The following PREX2 variants were observed in gnomAD, a reference collection of about 807,000 sequenced individuals.
PREX2 encodes the protein phosphatidylinositol-3,4,5-trisphosphate dependent Rac exchange factor 2.
PREX2 carries 107 observed loss-of-function variants against 203.2 expected under a neutral mutation model. That is an observed-to-expected ratio of 0.53 (90% CI 0.45 to 0.62). The LOEUF (loss-of-function observed/expected upper bound fraction) is 0.62, where lower values mean the gene tolerates loss of function less well. Ranked by LOEUF, PREX2 falls within the 20% of genes least tolerant of loss-of-function variation. The pLI is 0.00. For synonymous variants in PREX2, 672 were observed against 663.6 expected (o/e 1.01, Z -0.19); for missense variants, 1,777 against 1,955.9 (o/e 0.91, Z 1.72).
Position 68,069,817 on chromosome 8 carries a change from T to C in PREX2, c.1444-18T>C, listed in dbSNP as rs201476238. The C allele has an allele frequency of 3.1e-4, 424 of 1,371,490 alleles. 1 individual carries two copies. The African/African-American group carries it at 5.4e-3, about 18-fold the overall frequency. 85.0% of individuals were successfully genotyped at this position (1,371,490 alleles called of 1,614,324 possible). A position where few individuals can be genotyped will look rare whatever the true frequency, so the allele number is the denominator to read the frequency against. ...TGGGTAATCTCACTTGTTTTTGATATATCTCTATTTTACGTAGGGTGTAAG... is the reference window on the plus strand; with the variant it reads ...TGGGTAATCTCACTTGTTTTTGATACATCTCTATTTTACGTAGGGTGTAAG... On this transcript the variant is annotated intron_variant, in intron 12 of 39. Transcript: ENST00000288368.
In PREX2 at chr8:68,231,346, T is replaced by G; in HGVS notation, c.4789T>G (p.Cys1597Gly). 4 of 1,602,274 alleles carry G rather than the reference T, an allele frequency of 2.5e-6. No individual in the cohort carries two copies. The highest frequency in any genetic ancestry group is 3.4e-6 in the Non-Finnish European group (4 of 1,175,288). The part of the protein sequence containing the change: ...PQSAPRLYKL[C>G]EPPPPAGEE ...TGCCTTTTCTAGGCTGTACAAGCTG[T>G]GCGAGCCACCTCCCCCAGCTGGAGA... is the stretch of plus-strand genomic sequence containing the variant. Residue 1597 changes from cysteine (C) to glycine (G), a missense_variant, in exon 40 of 40, where the codon TGC becomes GGC. Coordinates refer to ENST00000288368, the MANE Select transcript of PREX2 (RefSeq NM_024870.4).
At chr8:67,976,565 AGAGACAGAGACAGAGAGAGAGATG>A (rs1806102161) in intron 1 of PREX2, among the ~76,000 whole-genome samples, 1 of 65,056 alleles carries the variant, frequency 1.5e-5, no homozygotes. Context: ...AGAGAGAGAC[AGAGACAGAGACAGAGAGAGAGATG>A]GGAGAGAGAC....
rs1808665733 is a variant in PREX2, at chr8:68,055,938, G to A, written c.1202G>A (p.Arg401Lys). 6.2e-7 allele frequency: 1 copy of A among 1,612,808 alleles called. No homozygotes were observed. The highest frequency in any genetic ancestry group is 1.3e-5 in the African/African-American group (1 of 74,690). The change falls in exon 10 of 40, where the codon AGA (arginine) becomes AAA (lysine). Residue 401 changes from arginine (R) to lysine (K), a missense_variant. Arg to Lys is a conservative substitution (Grantham distance 26). Coordinates refer to ENST00000288368, the MANE Select transcript of PREX2 (RefSeq NM_024870.4). ...RQGNLIKDRK[R>K]KLTTFPKCFL... ...GGAAATCTGATCAAAGACCGAAAGA[G>A]AAAACTGACTACGTTCCCTAAATGC...
At chr8:68,211,710 T>C (rs1465575070) in intron 37 of PREX2, among the ~76,000 whole-genome samples, 1 of 152,126 alleles carries the variant, frequency 6.6e-6, no homozygotes, top group African/African-American at 2.4e-5. Context: ...AGTTTGAAAG[T>C]AGTGAAAGAC....
intron 31 of PREX2, among the ~76,000 whole-genome samples, chr8:68,130,991 A>G (rs1025114847): frequency 1.3e-5 from 2 of 152,332 alleles, no homozygotes; most frequent in Middle Eastern, 3.4e-3. Flanking sequence ...AGGGCATGCA[A>G]TGCATCTGGA....
chr8:68,110,395 A>T (rs981535616), intron 25 of PREX2, among the ~76,000 whole-genome samples: 1 of 152,202 alleles, frequency 6.6e-6, no homozygotes, highest in Non-Finnish European at 1.5e-5. Context: ...ATGAATTACA[A>T]GTTTGTGGTC....
At position 68,225,073 on chromosome 8, in the gene PREX2, T is replaced by C. The variant is rs77734044; in HGVS notation, c.4775+447T>C. ...GCTTGAGTTTCCTTCCTCTCTGTAC[T>C]CCCTTAGCATCTTGTCATATTGACC... is the stretch of plus-strand genomic sequence containing the variant. On this transcript the variant is annotated intron_variant, in intron 39 of 39. Coordinates refer to ENST00000288368, the MANE Select transcript of PREX2 (RefSeq NM_024870.4). Among the ~76,000 whole-genome samples, 1,152 of 152,232 alleles carry C rather than the reference T, an allele frequency of 7.6e-3. 12 individuals carry two copies. The highest frequency in any genetic ancestry group is 0.026 in the African/African-American group (1,082 of 41,546).
intron 10 of PREX2, among the ~76,000 whole-genome samples, chr8:68,059,151 C>CA (rs967141873): frequency 7.2e-5 from 11 of 151,792 alleles, no homozygotes; most frequent in Admixed American, 1.3e-4. Flanking sequence ...TTTCTCTAGC[C>CA]AAAAAAAGAA....
Position 68,146,275 on chromosome 8 carries a change from G to A in PREX2, c.4154G>A (p.Ser1385Asn). ...CTGAAAGTTTACTTCTACATTGATA[G>A]TTATCATTTTGAACAACTTCCTCAA... ...QALKVYFYID[S>N]YHFEQLPQRL... is the part of the protein sequence containing the mutation. The change falls in exon 34 of 40, where the codon AGT becomes AAT. Residue 1385 changes from serine to asparagine, a missense_variant. Transcript: ENST00000288368. The A allele has an allele frequency of 1.9e-6, 3 of 1,612,518 alleles. No individual in the cohort carries two copies. Among genetic ancestry groups the A allele is most frequent in the East Asian group, 2.2e-5 (1 of 44,694 alleles).
At chr8:68,070,325 G>T (rs1283875485) in intron 13 of PREX2, among the ~76,000 whole-genome samples, 1 of 151,468 alleles carries the variant, frequency 6.6e-6, no homozygotes, top group Non-Finnish European at 1.5e-5. Flanking sequence ...TTTTTCCCAA[G>T]AAAAGATTTT....
At chr8:68,104,126 T>G (rs1178595230) in intron 23 of PREX2, among the ~76,000 whole-genome samples, 1 of 152,148 alleles carries the variant, frequency 6.6e-6, no homozygotes, top group African/African-American at 2.4e-5. Flanking sequence ...CACTTCCCTT[T>G]CTCTCACACC....
chr8:68,190,785 T>C (rs1056539453), intron 35 of PREX2, among the ~76,000 whole-genome samples: 9 of 152,062 alleles, frequency 5.9e-5, no homozygotes, highest in African/African-American at 2.2e-4. Flanking sequence ...AAATTTTGTA[T>C]TATACTGTAT....
rs149731149 is a variant in PREX2, at chr8:68,025,968, T to C, written c.442-1254T>C. On this transcript the variant is annotated intron_variant, in intron 4 of 39. Coordinates refer to ENST00000288368, the MANE Select transcript of PREX2 (RefSeq NM_024870.4). ...TGAGGGGATGGCTGCTTTACAGAGA[T>C]GCTAACATACTGGAATGGAAATATC... is the stretch of plus-strand genomic sequence containing the variant. 1.5e-3 allele frequency among the ~76,000 whole-genome samples: 226 copies of C among 152,218 alleles called. 2 individuals carry two copies. Among genetic ancestry groups the C allele is most frequent in the Middle Eastern group, 0.014 (4 of 294 alleles).
chr8:68,082,137 A>C (rs1277158761), intron 17 of PREX2: 1 of 152,268 alleles, frequency 6.6e-6, no homozygotes, highest in Non-Finnish European at 1.5e-5. Flanking sequence ...AACAAGACAC[A>C]AAATCCCCCA....
chr8:68,140,448 CTTATTTA>C (rs1350269887), intron 33 of PREX2, among the ~76,000 whole-genome samples: 2 of 152,180 alleles, frequency 1.3e-5, no homozygotes, highest in Non-Finnish European at 2.9e-5. Flanking sequence ...GTCATCACAT[CTTATTTA>C]AGTGGTGTAA....
chr8:68,223,200 G>GT (rs1361672901), intron 38 of PREX2: 2 of 152,206 alleles, frequency 1.3e-5, no homozygotes, highest in African/African-American at 4.8e-5. Context: ...AAGGGTTAAC[G>GT]TTAGGGGAAG....
chr8:67,986,843 C>T (rs1051118013), intron 1 of PREX2, among the ~76,000 whole-genome samples: 8 of 151,910 alleles, frequency 5.3e-5, no homozygotes, highest in East Asian at 1.9e-4. Context: ...TTGGAATTCA[C>T]GAAAACCAAA....
At chr8:68,196,417 A>T (rs891998740) in intron 37 of PREX2, among the ~76,000 whole-genome samples, 5 of 147,384 alleles carry the variant, frequency 3.4e-5, no homozygotes, top group Admixed American at 6.8e-5. Context: ...TTTATATATT[A>T]TATATATGAA....
At chr8:68,010,152 G>A (rs1807218773) in intron 1 of PREX2, among the ~76,000 whole-genome samples, 1 of 152,126 alleles carries the variant, frequency 6.6e-6, no homozygotes, top group South Asian at 2.1e-4. Context: ...CCAAATTTCT[G>A]CAATGGGTGG....
Sources: allele counts gnomAD v4.1 joint callset (sites outside exome capture counted in the v4.1 genomes callset), GRCh38; gene constraint gnomAD v4.1.1; transcripts MANE v1.5; gene names NCBI Gene and HGNC (gene_info 2026-07-23, HGNC 2026-07-21).